The following NUDT3 variants were observed in gnomAD, a reference collection of about 807,000 sequenced individuals.
NUDT3 encodes the protein nudix hydrolase 3, also known as diphosphoinositol polyphosphate phosphohydrolase 1.
Under a neutral mutation model 23.6 loss-of-function variants are expected in NUDT3, and 9 were observed. The observed-to-expected ratio is 0.38, with a 90% CI of 0.23 to 0.66. The LOEUF (loss-of-function observed/expected upper bound fraction) is 0.66, where lower values mean the gene tolerates loss of function less well. NUDT3 is among the 30% of genes least tolerant of loss of function. The probability of loss-of-function intolerance (pLI) is 0.52; values close to 1 mark genes in which losing one functional copy is unlikely to be tolerated. For synonymous variants in NUDT3, 86 were observed against 82.6 expected (o/e 1.04, Z -0.22); for missense variants, 172 against 218.5 (o/e 0.79, Z 1.34).
rs147548768 is a variant in NUDT3 at position 34,299,600 on chromosome 6, A to AT, written c.211-3916dup. Among the ~76,000 whole-genome samples the AT allele has an allele frequency of 3.5e-3, 480 of 137,066 alleles. 1 individual carries two copies. Among genetic ancestry groups the AT allele is most frequent in the East Asian group, 0.014 (67 of 4,670 alleles). 89.9% of individuals were successfully genotyped at this position (137,066 alleles called of 152,430 possible). ...CCACCAAGACCGGGTATTTTCTTGA[A>AT]TTTTTTTTTTTTTTTTTTTTAAAGT... On this transcript the variant is annotated intron_variant, in intron 2 of 4. Transcript: ENST00000607016.
chr6:34,329,237 C>T (rs1041674939), intron 2 of NUDT3, among the ~76,000 whole-genome samples: 1 of 152,066 alleles, frequency 6.6e-6, no homozygotes, highest in African/African-American at 2.4e-5. Context: ...TACATATATA[C>T]ATAGATATAC....
At chr6:34,356,019 A>G (rs892724989) in intron 1 of NUDT3, among the ~76,000 whole-genome samples, 3 of 148,942 alleles carry the variant, frequency 2.0e-5, no homozygotes, top group African/African-American at 7.5e-5. Flanking sequence ...GGACAATCTC[A>G]AGAGAGAAAG....
At chr6:34,355,064 T>C (rs10456427) in intron 1 of NUDT3, among the ~76,000 whole-genome samples, 16,444 of 152,072 alleles carry the variant, frequency 0.11, 1,255 homozygotes, top group Non-Finnish European at 0.16. Flanking sequence ...CAGAATAATG[T>C]TGAATAGAAG....
chr6:34,347,929 G>A (rs1764403536), intron 1 of NUDT3, among the ~76,000 whole-genome samples: 1 of 151,418 alleles, frequency 6.6e-6, no homozygotes, highest in African/African-American at 2.4e-5. Flanking sequence ...CTTGCCAGGA[G>A]TTCAAGACCA....
At chr6:34,357,941 T>C (rs1306773882) in intron 1 of NUDT3, among the ~76,000 whole-genome samples, 4 of 152,200 alleles carry the variant, frequency 2.6e-5, no homozygotes, top group African/African-American at 9.7e-5. Flanking sequence ...TTTTTAATGT[T>C]TGTACTTCCC....
intron 1 of NUDT3, among the ~76,000 whole-genome samples, chr6:34,371,326 G>A (rs920642885): frequency 6.6e-6 from 1 of 151,150 alleles, no homozygotes; most frequent in Non-Finnish European, 1.5e-5. Flanking sequence ...AAATTAGCTG[G>A]GCGTGGTGGC....
chr6:34,344,931 G>A (rs1309490077), intron 1 of NUDT3, among the ~76,000 whole-genome samples: 3 of 152,044 alleles, frequency 2.0e-5, no homozygotes, highest in African/African-American at 4.8e-5. Flanking sequence ...GATTACAGGC[G>A]TGAGCCACTG....
chr6:34,368,404 C>G (rs1056503652), intron 1 of NUDT3, among the ~76,000 whole-genome samples: 1 of 152,194 alleles, frequency 6.6e-6, no homozygotes, highest in African/African-American at 2.4e-5. Flanking sequence ...TGGAAAGGCA[C>G]AGGCCAGGAG....
chr6:34,297,363 C>T (rs1763516636), intron 2 of NUDT3, among the ~76,000 whole-genome samples: 1 of 151,994 alleles, frequency 6.6e-6, no homozygotes, highest in African/African-American at 2.4e-5. Flanking sequence ...ACAAGTGGGA[C>T]AAGCTGCCAG....
intron 2 of NUDT3, among the ~76,000 whole-genome samples, chr6:34,320,366 A>G (rs538768918): frequency 1.6e-4 from 25 of 152,218 alleles, no homozygotes; most frequent in African/African-American, 5.8e-4. Flanking sequence ...AACTGGGATT[A>G]CTGGCGCCTG....
chr6:34,381,798 G>A (rs1765022119), intron 1 of NUDT3, among the ~76,000 whole-genome samples: 1 of 151,934 alleles, frequency 6.6e-6, no homozygotes, highest in South Asian at 2.1e-4. Flanking sequence ...TAATCGGCTG[G>A]GCACGGTGGC....
chr6:34,392,411 T>A lies in NUDT3; in HGVS notation c.-49A>T. 6.9e-7 allele frequency: 1 copy of A among 1,459,030 alleles called. No individual in the cohort carries two copies. The highest frequency in any genetic ancestry group is 9.4e-7 in the Non-Finnish European group (1 of 1,067,570). The allele number at this position is 1,459,030 out of a possible 1,614,324, so 90.4% of individuals were successfully genotyped here. A position where few individuals can be genotyped will look rare whatever the true frequency, so the allele number is the denominator to read the frequency against. ...GGTGCGGGTCGCAGGAGTCGAGGGG[T>A]GGGGAGCCCGCTCTGGACGGCCGCG... On this transcript the variant is annotated 5_prime_UTR_variant, in exon 1 of 5. Coordinates refer to ENST00000607016, the MANE Select transcript of NUDT3 (RefSeq NM_006703.4).
rs184457672 is a variant in NUDT3, at chr6:34,311,642, G to T, written c.211-15957C>A. Among the ~76,000 whole-genome samples, 951 of 152,314 alleles carry T rather than the reference G, an allele frequency of 6.2e-3. 11 individuals are homozygous for T. Among genetic ancestry groups the T allele is most frequent in the African/African-American group, 0.022 (899 of 41,570 alleles). ...CAACTCGTTAAGAAAGGAGAACAAA[G>T]TTGGAGAACGGATACCCAACTTCAA... is the stretch of plus-strand genomic sequence containing the variant. On this transcript the variant is annotated intron_variant, in intron 2 of 4. Coordinates refer to ENST00000607016, the MANE Select transcript of NUDT3 (RefSeq NM_006703.4).
rs1045418594 is a variant in NUDT3, at chr6:34,392,367, C to A, written c.-5G>T. 2.3e-5 allele frequency: 37 copies of A among 1,598,404 alleles called. No individual in the cohort carries two copies. The highest frequency in any genetic ancestry group is 3.0e-5 in the Non-Finnish European group (35 of 1,174,714). On this transcript the variant is annotated 5_prime_UTR_variant, in exon 1 of 5. Coordinates refer to ENST00000607016, the MANE Select transcript of NUDT3 (RefSeq NM_006703.4). Reference sequence around the variant, plus strand: ...GTTCGACTTGAGCTTCATCATCCTCCGGGCCCGGGTGGGGGTGCGGTGCGG... The same window carrying A: ...GTTCGACTTGAGCTTCATCATCCTCAGGGCCCGGGTGGGGGTGCGGTGCGG...
chr6:34,385,683 TTTC>T (rs1765093788), intron 1 of NUDT3, among the ~76,000 whole-genome samples: 1 of 151,424 alleles, frequency 6.6e-6, no homozygotes. Context: ...TGAGCAGTAA[TTTC>T]TTTTTTTTTT....
intron 2 of NUDT3, among the ~76,000 whole-genome samples, chr6:34,325,095 T>C (rs774650428): frequency 2.0e-5 from 3 of 152,206 alleles, no homozygotes; most frequent in Non-Finnish European, 4.4e-5. Flanking sequence ...TCAATACCGA[T>C]TTACTTAAGG....
chr6:34,354,655 G>A (rs1012803150), intron 1 of NUDT3, among the ~76,000 whole-genome samples: 17 of 150,650 alleles, frequency 1.1e-4, no homozygotes, highest in South Asian at 2.1e-4. Context: ...CCCGGGAGGC[G>A]GAGGTTGCAG....
intron 1 of NUDT3, among the ~76,000 whole-genome samples, chr6:34,361,930 C>T (rs190542986): frequency 1.3e-5 from 2 of 152,300 alleles, no homozygotes; most frequent in East Asian, 1.9e-4. Context: ...CTGGTGCATA[C>T]ATTTGTCCAA....
intron 1 of NUDT3, among the ~76,000 whole-genome samples, chr6:34,351,213 A>C (rs186311297): frequency 0.1 from 13,230 of 130,908 alleles, 2,388 homozygotes; most frequent in Non-Finnish European, 0.13. Flanking sequence ...AAAAAAAAAA[A>C]AAAAAAAAAA....
Sources: gnomAD v4.1 joint callset for allele counts (sites outside exome capture counted in the v4.1 genomes callset) on GRCh38, gnomAD v4.1.1 for gene constraint, MANE v1.5 for transcripts, NCBI Gene and HGNC (gene_info 2026-07-23, HGNC 2026-07-21) for gene names.